MSRA: variants seen among roughly 807,000 people sequenced by gnomAD.
MSRA encodes the protein methionine sulfoxide reductase A, also known as mitochondrial peptide methionine sulfoxide reductase.
Under a neutral mutation model 31.3 loss-of-function variants are expected in MSRA, and 54 were observed. The observed-to-expected ratio is 1.73, with a 90% CI of 1.39 to 2.17. The LOEUF is 2.17. MSRA is among the 30% of genes most tolerant of loss of function. The pLI is 0.00. For missense variants in MSRA, 507 were observed against 300.9 expected (o/e 1.69, Z -5.07); for synonymous variants, 169 against 116.5 (o/e 1.45, Z -2.90).
chr8:10,054,479 G>T lies in MSRA; in HGVS notation c.-38G>T. 6.5e-7 allele frequency: 1 copy of T among 1,540,404 alleles called. No homozygotes were observed. Among genetic ancestry groups the T allele is most frequent in the Non-Finnish European group, 8.7e-7 (1 of 1,143,472 alleles). On this transcript the variant is annotated 5_prime_UTR_variant, in exon 1 of 6. Transcript: ENST00000317173. ...CGGCTGCGGCTCCGCTGCCGGTAGC[G>T]CCGTCCCCCGGGACCACCCTTCGGC...
intron 3 of MSRA, among the ~76,000 whole-genome samples, chr8:10,266,847 C>T (rs1033353607): frequency 6.6e-6 from 1 of 152,140 alleles, no homozygotes; most frequent in Non-Finnish European, 1.5e-5. Context: ...CAGAAGTCTT[C>T]TACCAGTACT....
At chr8:10,331,586 A>G (rs1357379984) in intron 5 of MSRA, among the ~76,000 whole-genome samples, 1 of 152,148 alleles carries the variant, frequency 6.6e-6, no homozygotes, top group East Asian at 1.9e-4. Flanking sequence ...TTTGACACTG[A>G]ATTCCATAAG....
intron 1 of MSRA, among the ~76,000 whole-genome samples, chr8:10,074,303 T>G (rs1462327324): frequency 6.6e-6 from 1 of 151,804 alleles, no homozygotes; most frequent in Non-Finnish European, 1.5e-5. Flanking sequence ...AGGATGGTCT[T>G]GATCTCCTGA....
chr8:10,059,598 CG>C (rs1802591786), intron 1 of MSRA, among the ~76,000 whole-genome samples: 2 of 152,030 alleles, frequency 1.3e-5, no homozygotes, highest in Non-Finnish European at 2.9e-5. Flanking sequence ...AATCGGAAAA[CG>C]TAAGACTGAT....
chr8:10,058,870 T>G (rs1802545589), intron 1 of MSRA: 1 of 152,240 alleles, frequency 6.6e-6, no homozygotes, highest in Non-Finnish European at 1.5e-5. Flanking sequence ...AGTCGTTGAT[T>G]TATACTTTGT....
chr8:10,150,271 T>A (rs1803545963), intron 1 of MSRA, among the ~76,000 whole-genome samples: 1 of 152,108 alleles, frequency 6.6e-6, no homozygotes, highest in South Asian at 2.1e-4. Flanking sequence ...CATCTATGAA[T>A]AAAGTGACAC....
chr8:10,399,759 G>A (rs182076326), intron 5 of MSRA, among the ~76,000 whole-genome samples: 2 of 152,324 alleles, frequency 1.3e-5, no homozygotes, highest in South Asian at 2.1e-4. Context: ...ATAGGAGGGT[G>A]CAATGGACGG....
chr8:10,115,767 C>A (rs1036556805), intron 1 of MSRA, among the ~76,000 whole-genome samples: 8 of 152,304 alleles, frequency 5.3e-5, no homozygotes, highest in African/African-American at 1.9e-4. Flanking sequence ...GCAAGGACGT[C>A]ATCTTAGTCA....
chr8:10,418,661 G>A (rs1426483183), intron 5 of MSRA, among the ~76,000 whole-genome samples: 2 of 151,964 alleles, frequency 1.3e-5, no homozygotes, highest in African/African-American at 2.4e-5. Flanking sequence ...TTCCTTTCTA[G>A]TAATACTTTT....
chr8:10,234,608 G>A (rs1811792688), intron 2 of MSRA, among the ~76,000 whole-genome samples: 1 of 152,046 alleles, frequency 6.6e-6, no homozygotes, highest in African/African-American at 2.4e-5. Flanking sequence ...TAAATAGCCA[G>A]AGTAAATATA....
At chr8:10,299,328 T>C (rs1000454166) in intron 3 of MSRA, among the ~76,000 whole-genome samples, 1 of 152,130 alleles carries the variant, frequency 6.6e-6, no homozygotes. Context: ...TATTCAGAGA[T>C]TTTTAATGCT....
intron 5 of MSRA, among the ~76,000 whole-genome samples, chr8:10,414,810 C>T (rs190223818): frequency 5.9e-5 from 9 of 152,276 alleles, no homozygotes; most frequent in African/African-American, 2.2e-4. Flanking sequence ...GTACTAAATG[C>T]TAAGCATATA....
intron 1 of MSRA, among the ~76,000 whole-genome samples, chr8:10,187,228 G>T (rs1045196248): frequency 6.6e-6 from 1 of 152,206 alleles, no homozygotes; most frequent in Non-Finnish European, 1.5e-5. Context: ...CACAGTGACT[G>T]AGCATGGCTT....
chr8:10,122,779 A>G (rs1003492432), intron 1 of MSRA, among the ~76,000 whole-genome samples: 2 of 152,150 alleles, frequency 1.3e-5, no homozygotes, highest in Non-Finnish European at 2.9e-5. Context: ...AAGTAAAAAC[A>G]TGAGGTATTT....
At chr8:10,132,010 C>T (rs190550174) in intron 1 of MSRA, among the ~76,000 whole-genome samples, 132 of 152,172 alleles carry the variant, frequency 8.7e-4, no homozygotes, top group Non-Finnish European at 1.4e-3. Flanking sequence ...TTTTTGGTCT[C>T]CTAATTGATT....
intron 1 of MSRA, among the ~76,000 whole-genome samples, chr8:10,106,272 A>G (rs1799875357): frequency 6.6e-6 from 1 of 152,078 alleles, no homozygotes; most frequent in Non-Finnish European, 1.5e-5. Context: ...GCCTTATTGT[A>G]CTCGTTTGCC....
chr8:10,271,852 G>A (rs1261566058), intron 3 of MSRA, among the ~76,000 whole-genome samples: 2 of 151,860 alleles, frequency 1.3e-5, no homozygotes, highest in African/African-American at 4.8e-5. Flanking sequence ...TCAAGTAGCT[G>A]GGATTATAGG....
At chr8:10,351,644 A>G (rs1456456626) in intron 5 of MSRA, among the ~76,000 whole-genome samples, 1 of 152,228 alleles carries the variant, frequency 6.6e-6, no homozygotes, top group Non-Finnish European at 1.5e-5. Context: ...GTAGGGCAGG[A>G]TGGGAGATGA....
chr8:10,337,374 T>G lies in MSRA; in HGVS notation c.543+17385T>G, dbSNP rs1020069677. 3.1e-5 allele frequency: 6 copies of G among 196,552 alleles called. No homozygotes were observed. In the Admixed American group the frequency reaches 3.5e-4, roughly 11 times the overall value. The allele number at this position is 196,552 out of a possible 1,614,324, so 12.2% of individuals were successfully genotyped here. A position where few individuals can be genotyped will look rare whatever the true frequency, so the allele number is the denominator to read the frequency against. On this transcript the variant is annotated intron_variant, in intron 5 of 5. Coordinates refer to ENST00000317173, the MANE Select transcript of MSRA (RefSeq NM_012331.5). ...TTTTTTATTTTTAGTAGAGACGGCA[T>G]TTCACTGTGTTAGCCAGGATGATCT...
Sources: gnomAD v4.1 joint callset for allele counts (sites outside exome capture counted in the v4.1 genomes callset) on GRCh38, gnomAD v4.1.1 for gene constraint, MANE v1.5 for transcripts, NCBI Gene and HGNC (gene_info 2026-07-23, HGNC 2026-07-21) for gene names.